RBFOX1: variants seen among roughly 807,000 people sequenced by gnomAD.
The protein encoded by RBFOX1 is RNA binding fox-1 homolog 1, also known as RNA binding protein fox-1 homolog 1.
RBFOX1 carries 8 observed loss-of-function variants against 57.7 expected under a neutral mutation model. The ratio of observed to expected loss-of-function variants is 0.14; its 90% CI spans 0.08 to 0.25. The LOEUF (loss-of-function observed/expected upper bound fraction) is 0.25. RBFOX1 is among the 10% of genes least tolerant of loss of function. The pLI, the probability that RBFOX1 is intolerant of heterozygous loss-of-function variation, is 1.00. For synonymous variants in RBFOX1, 326 were observed against 222.4 expected (o/e 1.47, Z -4.15); for missense variants, 611 against 548.5 (o/e 1.11, Z -1.14).
At chr16:6,826,015 C>T (rs72766769) in intron 3 of RBFOX1, among the ~76,000 whole-genome samples, 9,047 of 152,112 alleles carry the variant, frequency 0.059, 407 homozygotes, top group Non-Finnish European at 0.097. Flanking sequence ...TTGGGTAGGC[C>T]GACCACATCG....
chr16:6,514,529 G>T (rs529094595), intron 2 of RBFOX1, among the ~76,000 whole-genome samples: 2 of 152,290 alleles, frequency 1.3e-5, no homozygotes, highest in South Asian at 4.1e-4. Context: ...GTGTTTCAAT[G>T]ATGTTTGTAA....
chr16:6,307,662 A>G (rs2152755113), intron 1 of RBFOX1, among the ~76,000 whole-genome samples: 1 of 147,378 alleles, frequency 6.8e-6, no homozygotes, highest in East Asian at 2.0e-4. Flanking sequence ...ATATCTTTAG[A>G]TTATTAATAT....
At chr16:6,201,436 T>C (rs368197638) in intron 1 of RBFOX1, among the ~76,000 whole-genome samples, 6 of 152,262 alleles carry the variant, frequency 3.9e-5, no homozygotes, top group African/African-American at 1.4e-4. Flanking sequence ...GTATAAGGAT[T>C]CCCCTTTCTC....
chr16:7,137,742 G>A (rs867675047), intron 4 of RBFOX1, among the ~76,000 whole-genome samples: 174 of 152,200 alleles, frequency 1.1e-3, no homozygotes, highest in African/African-American at 4.0e-3. Flanking sequence ...TGGTAAACTC[G>A]AACACATAAC....
rs146673817 is a variant in RBFOX1, at chr16:6,865,066, G to T, written c.-15-186991G>T. On this transcript the variant is annotated intron_variant, in intron 3 of 15. Coordinates refer to ENST00000550418, the MANE Select transcript of RBFOX1 (RefSeq NM_018723.4). Reference sequence around the variant, plus strand: ...CACCCAGGCTGGAGTGCAGTGGCGCGATCTTGGCTCACTGCAACCTCCGCC... The same window carrying T: ...CACCCAGGCTGGAGTGCAGTGGCGCTATCTTGGCTCACTGCAACCTCCGCC... Among the ~76,000 whole-genome samples the T allele has an allele frequency of 8.4e-3, 1,114 of 133,248 alleles. 15 individuals are homozygous for T. The highest frequency in any genetic ancestry group is 0.03 in the African/African-American group (1,050 of 34,702). 87.4% of individuals were successfully genotyped at this position (133,248 alleles called of 152,430 possible).
chr16:5,480,425 A>C (rs8049735), intron 2 of RBFOX1, among the ~76,000 whole-genome samples: 53,896 of 152,000 alleles, frequency 0.35, 9,798 homozygotes, highest in Middle Eastern at 0.5. Context: ...CTTTCTCAAA[A>C]ATACAGACAA....
intron 1 of RBFOX1, among the ~76,000 whole-genome samples, chr16:5,449,002 G>A (rs555006431): frequency 6.6e-6 from 1 of 152,098 alleles, no homozygotes; most frequent in Non-Finnish European, 1.5e-5. Context: ...GCCTTTGCAC[G>A]TGGCCAGGTC....
In RBFOX1 at chr16:7,665,003, TC is replaced by T; in HGVS notation, c.930+37del. On this transcript the variant is annotated intron_variant, in intron 13 of 15. Transcript: ENST00000550418. ...CATTCACGTGCATGCCATCCCCGTT[TC>T]CTCCTGGAGTCATTCTTTTTACAAG... The T allele has an allele frequency of 3.1e-6, 5 of 1,613,918 alleles. 1 individual carries two copies. The highest frequency in any genetic ancestry group is 4.2e-6 in the Non-Finnish European group (5 of 1,179,836).
rs374354499 is a variant in RBFOX1, at chr16:7,674,791, A to G, written c.931-1983A>G. Among the ~76,000 whole-genome samples the G allele has an allele frequency of 8.5e-5, 13 of 152,280 alleles. No individual in the cohort carries two copies. In the East Asian group the frequency reaches 2.3e-3, roughly 27 times the overall value. The stretch of plus-strand genomic sequence containing the variant: ...ACCTACTAGTCAGTGTGGTTCATTT[A>G]GTTGTTTGCACCGCAGCAATTCTTC... On this transcript the variant is annotated intron_variant, in intron 13 of 15. Coordinates refer to ENST00000550418, the MANE Select transcript of RBFOX1 (RefSeq NM_018723.4).
intron 14 of RBFOX1, among the ~76,000 whole-genome samples, chr16:7,684,306 C>T (rs1019745896): frequency 6.6e-6 from 1 of 151,990 alleles, no homozygotes; most frequent in Non-Finnish European, 1.5e-5. Flanking sequence ...ATTTAATTAA[C>T]ATATGAAACA....
chr16:7,082,609 C>T (rs886504395), intron 4 of RBFOX1, among the ~76,000 whole-genome samples: 2 of 151,980 alleles, frequency 1.3e-5, no homozygotes, highest in Non-Finnish European at 1.5e-5. Flanking sequence ...AGCACTGATT[C>T]AGTTGAGTTT....
rs552185695 is a variant in RBFOX1, at chr16:6,152,741, A to C, written c.-127+132749A>C. ...TTCCACGTGGGCCCACAGACCCATAACTCAAGCCATGGTTTCTCAGCAGAA... is the reference window on the plus strand; with the variant it reads ...TTCCACGTGGGCCCACAGACCCATACCTCAAGCCATGGTTTCTCAGCAGAA... On this transcript the variant is annotated intron_variant, in intron 1 of 15. Transcript: ENST00000550418. Among the ~76,000 whole-genome samples the C allele has an allele frequency of 6.0e-4, 92 of 152,256 alleles. 1 individual carries two copies. The highest frequency in any genetic ancestry group is 2.1e-3 in the African/African-American group (86 of 41,550).
intron 3 of RBFOX1, among the ~76,000 whole-genome samples, chr16:5,764,892 A>G (rs1409729894): frequency 6.6e-6 from 1 of 152,204 alleles, no homozygotes; most frequent in Admixed American, 6.5e-5. Flanking sequence ...TCCTGTGATC[A>G]TCCTATGAAA....
intron 3 of RBFOX1, among the ~76,000 whole-genome samples, chr16:6,766,499 A>G (rs1373812351): frequency 6.6e-6 from 1 of 151,910 alleles, no homozygotes; most frequent in East Asian, 1.9e-4. Context: ...GAGGGGAATG[A>G]GAAAATATTC....
intron 14 of RBFOX1, among the ~76,000 whole-genome samples, chr16:7,707,419 A>T (rs1189372243): frequency 6.6e-6 from 1 of 152,160 alleles, no homozygotes; most frequent in African/African-American, 2.4e-5. Context: ...GGAGAGGGAA[A>T]AGGTACGTGC....
At chr16:7,183,754 T>C (rs1333912349) in intron 4 of RBFOX1, among the ~76,000 whole-genome samples, 2 of 152,172 alleles carry the variant, frequency 1.3e-5, no homozygotes, top group Admixed American at 6.5e-5. Flanking sequence ...ACAAAATTGA[T>C]AAAGCTTAGG....
intron 4 of RBFOX1, among the ~76,000 whole-genome samples, chr16:5,976,764 G>A (rs1312097452): frequency 6.6e-6 from 1 of 152,154 alleles, no homozygotes; most frequent in Non-Finnish European, 1.5e-5. Context: ...AGCTACTTGG[G>A]GGGCTTAGCC....
chr16:5,733,733 C>G (rs187840945), intron 3 of RBFOX1, among the ~76,000 whole-genome samples: 352 of 152,160 alleles, frequency 2.3e-3, no homozygotes, highest in African/African-American at 8.0e-3. Context: ...TTATTCCCTT[C>G]CTATCTCTTC....
intron 2 of RBFOX1, among the ~76,000 whole-genome samples, chr16:6,635,474 C>T (rs566333977): frequency 6.6e-6 from 1 of 151,976 alleles, no homozygotes; most frequent in Admixed American, 6.6e-5. Context: ...GAAGTGATAA[C>T]AGGTTTGGTA....
Sources: gnomAD v4.1 joint callset for allele counts (sites outside exome capture counted in the v4.1 genomes callset) on GRCh38, gnomAD v4.1.1 for gene constraint, MANE v1.5 for transcripts, NCBI Gene and HGNC (gene_info 2026-07-23, HGNC 2026-07-21) for gene names.